The following RPIA variants were observed in gnomAD, a reference collection of about 807,000 sequenced individuals.
RPIA encodes the protein ribose 5-phosphate isomerase A, also known as ribose-5-phosphate isomerase.
Under a neutral mutation model 37.8 loss-of-function variants are expected in RPIA, and 29 were observed. That is an observed-to-expected ratio of 0.77 (90% CI 0.57 to 1.05). The LOEUF (loss-of-function observed/expected upper bound fraction) is 1.05, where lower values mean the gene tolerates loss of function less well. RPIA is among the 50% of genes least tolerant of loss of function. The pLI is 0.00. For synonymous variants in RPIA, 167 were observed against 157.0 expected, an observed-to-expected ratio of 1.06 and a Z score of -0.48; for missense variants, 385 against 413.6, an observed-to-expected ratio of 0.93 and a Z score of 0.60.
intron 8 of RPIA, among the ~76,000 whole-genome samples, chr2:88,743,653 C>T (rs1673408032): frequency 6.6e-6 from 1 of 151,958 alleles, no homozygotes; most frequent in African/African-American, 2.4e-5. Flanking sequence ...AGCTGTGAAT[C>T]CATTTGGTTC....
intron 3 of RPIA, among the ~76,000 whole-genome samples, chr2:88,715,480 A>G (rs965906322): frequency 2.0e-5 from 3 of 152,230 alleles, no homozygotes; most frequent in African/African-American, 7.2e-5. Context: ...AATGTCAGAA[A>G]TTCTATCTAT....
intron 8 of RPIA, among the ~76,000 whole-genome samples, chr2:88,748,624 G>C (rs1438485562): frequency 6.6e-6 from 1 of 152,196 alleles, no homozygotes; most frequent in Admixed American, 6.5e-5. Context: ...GTTGTGTGTA[G>C]TTGTTAATTT....
chr2:88,700,346 T>C (rs1336327205), intron 3 of RPIA, among the ~76,000 whole-genome samples: 1 of 152,170 alleles, frequency 6.6e-6, no homozygotes, highest in Non-Finnish European at 1.5e-5. Context: ...TACTCCTATT[T>C]ATAGGTGAAA....
chr2:88,693,220 C>T (rs982944358), intron 1 of RPIA, among the ~76,000 whole-genome samples: 4 of 152,164 alleles, frequency 2.6e-5, no homozygotes, highest in African/African-American at 9.7e-5. Flanking sequence ...CTAAGTTGTC[C>T]TGTTAATGAA....
chr2:88,706,865 TA>T (rs1672904123), intron 3 of RPIA, among the ~76,000 whole-genome samples: 1 of 152,210 alleles, frequency 6.6e-6, no homozygotes, highest in South Asian at 2.1e-4. Context: ...GAAAAATGGG[TA>T]TTACTTAAAA....
chr2:88,699,967 A>G, intron 2 of RPIA, 42 bp from the exon 3 acceptor site: 1 of 1,600,592 alleles, frequency 6.2e-7, no homozygotes, highest in Non-Finnish European at 8.6e-7. Flanking sequence ...AGAATAAAGT[A>G]AGGAGAGTGA....
At chr2:88,733,140 G>T (rs1189080425) in intron 4 of RPIA, among the ~76,000 whole-genome samples, 3 of 152,186 alleles carry the variant, frequency 2.0e-5, no homozygotes, top group African/African-American at 7.2e-5. Flanking sequence ...AGGCCAGGTG[G>T]CAGGGGCAGG....
chr2:88,701,086 CA>C (rs1275579140), intron 3 of RPIA, among the ~76,000 whole-genome samples: 2 of 152,148 alleles, frequency 1.3e-5, no homozygotes, highest in Non-Finnish European at 2.9e-5. Context: ...AGACTGGCCT[CA>C]GCTTAACAGT....
intron 8 of RPIA, among the ~76,000 whole-genome samples, chr2:88,747,177 C>A (rs575600736): frequency 6.6e-6 from 1 of 152,134 alleles, no homozygotes; most frequent in African/African-American, 2.4e-5. Flanking sequence ...AGTTATGTTC[C>A]CAGGGGGATT....
chr2:88,716,664 C>A (rs767063657), intron 3 of RPIA, among the ~76,000 whole-genome samples: 29 of 152,286 alleles, frequency 1.9e-4, no homozygotes, highest in Middle Eastern at 6.8e-3. Flanking sequence ...TTTTAAAATT[C>A]ACTTGTTCAG....
chr2:88,748,703 A>C (rs1673466938), intron 8 of RPIA, among the ~76,000 whole-genome samples: 1 of 151,962 alleles, frequency 6.6e-6, no homozygotes, highest in African/African-American at 2.4e-5. Flanking sequence ...CTACTCTTTT[A>C]GTTTTTTCTC....
chr2:88,703,770 G>A (rs898002922), intron 3 of RPIA, among the ~76,000 whole-genome samples: 21 of 152,168 alleles, frequency 1.4e-4, no homozygotes, highest in African/African-American at 4.3e-4. Flanking sequence ...GTCTGCAGCC[G>A]GCTTGAATTT....
In RPIA at chr2:88,750,224, A is replaced by G; in HGVS notation, c.*146A>G. 1 of 647,500 alleles carries G rather than the reference A, an allele frequency of 1.5e-6. No individual in the cohort carries two copies. The highest frequency in any genetic ancestry group is 3.1e-4 in the Middle Eastern group (1 of 3,214). 40.1% of individuals were successfully genotyped at this position (647,500 alleles called of 1,614,324 possible). On this transcript the variant is annotated 3_prime_UTR_variant, in exon 9 of 9. Transcript: ENST00000283646. Reference sequence around the variant, plus strand: ...GGGGAAGAGTGGGAGGGGGAGTTAAATCCAGTCTTATGAAGTATTGTTATT... The same window carrying G: ...GGGGAAGAGTGGGAGGGGGAGTTAAGTCCAGTCTTATGAAGTATTGTTATT...
At chr2:88,701,437 C>G (rs1376862361) in intron 3 of RPIA, among the ~76,000 whole-genome samples, 1 of 151,810 alleles carries the variant, frequency 6.6e-6, no homozygotes, top group Non-Finnish European at 1.5e-5. Flanking sequence ...GTTATATATG[C>G]ACGTGGATTG....
intron 1 of RPIA, 114 bp from the exon 2 acceptor site, chr2:88,698,370 C>A: frequency 1.1e-6 from 1 of 896,742 alleles, no homozygotes; most frequent in Non-Finnish European, 1.9e-6. Flanking sequence ...CTGTCTTGTA[C>A]CTGTGTTGGT....
rs776563928 is a variant in RPIA, at chr2:88,691,710, C to G, written c.12C>G (p.Pro4=). Residue 4 remains proline (P), a synonymous_variant, in exon 1 of 9, where the codon CCC becomes CCG. Transcript: ENST00000283646. MQR[P]GPFSTLYGRV... is the part of the protein sequence containing the mutation. Reference sequence around the variant, plus strand: ...AGCGAGGCGTCGGGATGCAGCGCCCCGGGCCCTTCAGCACCCTCTACGGGC... The same window carrying G: ...AGCGAGGCGTCGGGATGCAGCGCCCGGGGCCCTTCAGCACCCTCTACGGGC... The G allele has an allele frequency of 1.9e-6, 3 of 1,578,814 alleles. No homozygotes were observed. Among genetic ancestry groups the G allele is most frequent in the Non-Finnish European group, 1.7e-6 (2 of 1,169,686 alleles).
At chr2:88,715,121 G>A (rs1158301958) in intron 3 of RPIA, among the ~76,000 whole-genome samples, 1 of 152,168 alleles carries the variant, frequency 6.6e-6, no homozygotes, top group Non-Finnish European at 1.5e-5. Context: ...TTTAACCATA[G>A]GGCCACCAAT....
intron 3 of RPIA, among the ~76,000 whole-genome samples, chr2:88,711,518 G>T (rs1410724192): frequency 6.6e-6 from 1 of 152,206 alleles, no homozygotes. Flanking sequence ...GGAGACCAAG[G>T]TTCTTATTTA....
intron 1 of RPIA, among the ~76,000 whole-genome samples, chr2:88,698,134 T>A (rs950732674): frequency 6.6e-6 from 1 of 151,680 alleles, no homozygotes; most frequent in Non-Finnish European, 1.5e-5. Context: ...ATGTCAGGAA[T>A]CTTTAAGTGT....
Sources: allele counts gnomAD v4.1 joint callset (sites outside exome capture counted in the v4.1 genomes callset), GRCh38; gene constraint gnomAD v4.1.1; transcripts MANE v1.5; gene names NCBI Gene and HGNC (gene_info 2026-07-23, HGNC 2026-07-21).